The following ERC2 variants were observed in gnomAD, a reference collection of about 807,000 sequenced individuals.
The protein encoded by ERC2 is ELKS/RAB6-interacting/CAST family member 2.
Under a neutral mutation model 114.8 loss-of-function variants are expected in ERC2, and 42 were observed. The ratio of observed to expected loss-of-function variants is 0.37; its 90% confidence interval spans 0.29 to 0.47. The LOEUF (loss-of-function observed/expected upper bound fraction) is 0.47, where lower values mean the gene tolerates loss of function less well. ERC2 is among the 20% of genes least tolerant of loss of function. ERC2 has a pLI of 0.99. For synonymous variants in ERC2, 454 were observed against 425.5 expected, an observed-to-expected ratio of 1.07 and a Z score of -0.82; for missense variants, 939 against 1,150.7, an observed-to-expected ratio of 0.82 and a Z score of 2.66.
At chr3:55,943,083 G>T (rs1389621888) in intron 13 of ERC2, among the ~76,000 whole-genome samples, 2 of 152,136 alleles carry the variant, frequency 1.3e-5, no homozygotes. Context: ...GATAACTCAG[G>T]GTAAACCTGA....
In ERC2 at chr3:56,249,025, T is replaced by C. The variant is rs189071527; in HGVS notation, c.1074+46994A>G. 7.4e-4 allele frequency among the ~76,000 whole-genome samples: 112 copies of C among 152,342 alleles called. 1 individual carries two copies. The highest frequency in any genetic ancestry group is 1.2e-3 in the Non-Finnish European group (83 of 68,030). On this transcript the variant is annotated intron_variant, in intron 3 of 17. Coordinates refer to ENST00000288221, the MANE Select transcript of ERC2 (RefSeq NM_015576.3). ...AGCCAAGCACTGTTAATGCAAAGTA[T>C]AGTAACTCAGTGTTTTGAGAAACAT...
chr3:55,651,553 C>T (rs568651415), intron 17 of ERC2, among the ~76,000 whole-genome samples: 129 of 152,278 alleles, frequency 8.5e-4, no homozygotes, highest in Non-Finnish European at 1.3e-3. Context: ...TCTTTCGCTT[C>T]TCTGAACCTT....
chr3:56,174,433 T>C (rs1201161907), intron 3 of ERC2, among the ~76,000 whole-genome samples: 2 of 152,222 alleles, frequency 1.3e-5, no homozygotes, highest in Admixed American at 1.3e-4. Flanking sequence ...TGCTCACACA[T>C]ACCCATGCTG....
intron 17 of ERC2, among the ~76,000 whole-genome samples, chr3:55,611,883 C>T (rs954885864): frequency 7.2e-5 from 11 of 152,258 alleles, no homozygotes; most frequent in African/African-American, 2.6e-4. Context: ...AAGTACTTGT[C>T]TGGAGGGTCT....
chr3:56,288,657 A>T (rs2054882295), intron 3 of ERC2, among the ~76,000 whole-genome samples: 2 of 152,364 alleles, frequency 1.3e-5, no homozygotes, highest in South Asian at 2.1e-4. Flanking sequence ...GAGGATAAAA[A>T]TTATGAAAGC....
chr3:56,393,584 C>T (rs763004315), intron 2 of ERC2, among the ~76,000 whole-genome samples: 1 of 152,118 alleles, frequency 6.6e-6, no homozygotes, highest in African/African-American at 2.4e-5. Context: ...TCATGCTAGA[C>T]AATTAGCTCT....
chr3:56,380,005 G>A (rs73832723), intron 2 of ERC2, among the ~76,000 whole-genome samples: 2,561 of 152,134 alleles, frequency 0.017, 69 homozygotes, highest in African/African-American at 0.056. Flanking sequence ...GCTGTCCTGT[G>A]CATTGCAGGA....
At chr3:55,886,484 C>T (rs2063351392) in intron 14 of ERC2, among the ~76,000 whole-genome samples, 1 of 152,130 alleles carries the variant, frequency 6.6e-6, no homozygotes, top group Admixed American at 6.5e-5. Flanking sequence ...AAGATGGAAA[C>T]TTTCTCAAAT....
At chr3:56,193,630 C>T (rs1457145313) in intron 3 of ERC2, among the ~76,000 whole-genome samples, 1 of 152,096 alleles carries the variant, frequency 6.6e-6, no homozygotes, top group Non-Finnish European at 1.5e-5. Flanking sequence ...ACATTAATTG[C>T]ATAAGAATTT....
At chr3:56,318,795 G>C (rs1051349291) in intron 2 of ERC2, among the ~76,000 whole-genome samples, 14 of 148,294 alleles carry the variant, frequency 9.4e-5, no homozygotes, top group Admixed American at 4.0e-4. Flanking sequence ...AAAAAAAAAA[G>C]CTAAAGAGGG....
At chr3:55,691,573 A>AATATATATATATATATATATAT (rs1292437178) in intron 16 of ERC2, among the ~76,000 whole-genome samples, 4 of 39,732 alleles carry the variant, frequency 1.0e-4, no homozygotes, top group African/African-American at 1.9e-4. Context: ...AAAAAAAAAA[A>AATATATATATATATATATATAT]ATATATATAT....
At chr3:56,299,433 ATTTT>A (rs202209933) in intron 2 of ERC2, among the ~76,000 whole-genome samples, 4 of 120,838 alleles carry the variant, frequency 3.3e-5, no homozygotes, top group African/African-American at 1.2e-4. Flanking sequence ...CAGCTAATAG[ATTTT>A]TTTTTTTTTT....
At chr3:55,990,322 G>A (rs2070963347) in intron 11 of ERC2, among the ~76,000 whole-genome samples, 1 of 152,162 alleles carries the variant, frequency 6.6e-6, no homozygotes, top group African/African-American at 2.4e-5. Context: ...ATGCTATTAT[G>A]AAGAGAAATA....
chr3:55,973,534 T>G (rs970575805), intron 12 of ERC2, among the ~76,000 whole-genome samples: 1 of 152,230 alleles, frequency 6.6e-6, no homozygotes, highest in East Asian at 1.9e-4. Context: ...GGAATATCCA[T>G]GTGTGCCTGT....
At chr3:55,834,110 C>G (rs1353858161) in intron 14 of ERC2, among the ~76,000 whole-genome samples, 2 of 151,888 alleles carry the variant, frequency 1.3e-5, no homozygotes, top group African/African-American at 2.4e-5. Context: ...ATTCATAAAG[C>G]AAGTCCTGAG....
At chr3:55,754,318 G>A (rs9839023) in intron 14 of ERC2, among the ~76,000 whole-genome samples, 124,947 of 151,706 alleles carry the variant, frequency 0.82, 51,986 homozygotes, top group African/African-American at 0.94. Flanking sequence ...GGCTTAAGCA[G>A]ATGTAAATTG....
At chr3:55,957,750 G>C (rs2068062078) in intron 12 of ERC2, among the ~76,000 whole-genome samples, 1 of 152,152 alleles carries the variant, frequency 6.6e-6, no homozygotes, top group South Asian at 2.1e-4. Context: ...GCAGCTCCAG[G>C]CGCCTGCTCC....
intron 14 of ERC2, among the ~76,000 whole-genome samples, chr3:55,785,561 C>A (rs1055001107): frequency 6.6e-6 from 1 of 152,222 alleles, no homozygotes; most frequent in Non-Finnish European, 1.5e-5. Context: ...AACTCTCCCC[C>A]ACACTGAGGA....
intron 8 of ERC2, among the ~76,000 whole-genome samples, chr3:56,016,975 A>C (rs183226185): frequency 1.3e-4 from 20 of 152,318 alleles, no homozygotes; most frequent in Admixed American, 5.2e-4. Context: ...ATGTGTGGAC[A>C]AATCCTGCAA....
Sources: gnomAD v4.1 joint callset for allele counts (sites outside exome capture counted in the v4.1 genomes callset) on GRCh38, gnomAD v4.1.1 for gene constraint, MANE v1.5 for transcripts, NCBI Gene and HGNC (gene_info 2026-07-23, HGNC 2026-07-21) for gene names.